The following CCDC18 variants were observed in gnomAD, a reference collection of about 807,000 sequenced individuals.
The protein encoded by CCDC18 is coiled-coil domain-containing protein 18.
CCDC18 carries 157 observed loss-of-function variants against 196.0 expected under a neutral mutation model. The observed-to-expected ratio is 0.80, with a 90% CI of 0.70 to 0.91. The LOEUF is 0.91. Ranked by LOEUF, CCDC18 falls within the 40% of genes least tolerant of loss-of-function variation. The pLI, the probability that CCDC18 is intolerant of heterozygous loss-of-function variation, is 0.00. For synonymous variants in CCDC18, 482 were observed against 529.2 expected (o/e 0.91, Z 1.22); for missense variants, 1,465 against 1,611.6 (o/e 0.91, Z 1.56).
upstream of CCDC18, chr1:93,180,502 G>C: frequency 6.5e-7 from 1 of 1,535,792 alleles, no homozygotes; most frequent in Non-Finnish European, 8.8e-7. Flanking sequence ...AGCGCCGCCC[G>C]CCTCTCCCCC....
chr1:93,262,740 CTCT>C (rs890628165), intron 26 of CCDC18, among the ~76,000 whole-genome samples: 45 of 152,268 alleles, frequency 3.0e-4, no homozygotes, highest in African/African-American at 1.0e-3. Context: ...AATGGTGGCC[CTCT>C]TCTTACAGCT....
chr1:93,184,991 G>T (rs1032633087), intron 3 of CCDC18, among the ~76,000 whole-genome samples: 1 of 151,652 alleles, frequency 6.6e-6, no homozygotes, highest in Non-Finnish European at 1.5e-5. Flanking sequence ...TGATAATGCC[G>T]ATCAAAGACA....
At chr1:93,209,343 G>A (rs1655242171) in intron 9 of CCDC18, among the ~76,000 whole-genome samples, 1 of 152,196 alleles carries the variant, frequency 6.6e-6, no homozygotes, top group Admixed American at 6.5e-5. Context: ...TAAGAAGAAG[G>A]TAAGTAAACC....
At chr1:93,239,585 C>A in intron 20 of CCDC18, 98 bp from the exon 21 acceptor site, 1 of 1,360,458 alleles carries the variant, frequency 7.4e-7, no homozygotes. Context: ...TGGTATTTTG[C>A]CTCTCGTAGA....
rs1658815767 is a variant in CCDC18 at position 93,228,864 on chromosome 1, AAAC to A, written c.2292+2420_2292+2422del. 2.0e-5 allele frequency among the ~76,000 whole-genome samples: 3 copies of A among 152,316 alleles called. No homozygotes were observed. The South Asian group carries it at 6.2e-4, about 32-fold the overall frequency. ...TGAGCTTTAGACTTTGCATTCATAG[AAAC>A]AACATCAGAGACTAGGGTGGATAAC... On this transcript the variant is annotated intron_variant, in intron 17 of 28. Coordinates refer to ENST00000690025, the MANE Select transcript of CCDC18 (RefSeq NM_001378204.1).
At chr1:93,247,335 G>T (rs1009740938) in intron 23 of CCDC18, among the ~76,000 whole-genome samples, 1 of 152,142 alleles carries the variant, frequency 6.6e-6, no homozygotes, top group Non-Finnish European at 1.5e-5. Context: ...TGCTTTTAGT[G>T]TATAGAAATG....
intron 23 of CCDC18, among the ~76,000 whole-genome samples, chr1:93,252,980 C>G (rs908154193): frequency 5.9e-5 from 9 of 152,342 alleles, no homozygotes; most frequent in African/African-American, 1.9e-4. Flanking sequence ...GACCCAGGTC[C>G]AGAAGGCTGT....
chr1:93,195,045 A>G (rs1376728873), intron 6 of CCDC18, among the ~76,000 whole-genome samples: 13 of 152,028 alleles, frequency 8.6e-5, no homozygotes, highest in Admixed American at 8.5e-4. Context: ...TAATTATTGT[A>G]TTTTTAGTAG....
At chr1:93,271,334 A>C in intron 28 of CCDC18, 1 of 984,922 alleles carries the variant, frequency 1.0e-6, no homozygotes, top group Admixed American at 6.1e-5. Flanking sequence ...TTCACCCTAA[A>C]ATATTTATAT....
At chr1:93,217,216 G>A (rs1052170825) in intron 13 of CCDC18, among the ~76,000 whole-genome samples, 1 of 152,144 alleles carries the variant, frequency 6.6e-6, no homozygotes, top group African/African-American at 2.4e-5. Flanking sequence ...TTACAGGCGT[G>A]AGCCACCGCA....
chr1:93,208,056 A>G (rs188074989), intron 9 of CCDC18, among the ~76,000 whole-genome samples: 2 of 152,294 alleles, frequency 1.3e-5, no homozygotes, highest in East Asian at 3.9e-4. Context: ...ACTTTGGGAT[A>G]TTATGAATAA....
At chr1:93,203,870 A>G (rs1423773690) in intron 7 of CCDC18, among the ~76,000 whole-genome samples, 1 of 152,126 alleles carries the variant, frequency 6.6e-6, no homozygotes, top group Non-Finnish European at 1.5e-5. Flanking sequence ...GATGAGGAAC[A>G]AGACAGGGCT....
At chr1:93,260,243 G>C (rs1570614762) in intron 26 of CCDC18, among the ~76,000 whole-genome samples, 1 of 152,172 alleles carries the variant, frequency 6.6e-6, no homozygotes, top group South Asian at 2.1e-4. Context: ...AATTAGCTGG[G>C]TGTGGTGGCG....
chr1:93,180,936 TC>T (rs1649506929), intron 1 of CCDC18, 84 bp downstream of exon 1: 1 of 1,280,898 alleles, frequency 7.8e-7, no homozygotes, highest in Non-Finnish European at 1.0e-6. Context: ...GGAGTTCTGT[TC>T]CTTTCCCTCC....
chr1:93,227,786 T>C (rs1200797065), intron 17 of CCDC18, among the ~76,000 whole-genome samples: 1 of 150,826 alleles, frequency 6.6e-6, no homozygotes, highest in Non-Finnish European at 1.5e-5. Context: ...CAAAACCCCA[T>C]CTCTACAAAA....
Position 93,207,403 on chromosome 1 carries a change from G to A in CCDC18, c.1209+5G>A, listed in dbSNP as rs1654877821. The A allele has an allele frequency of 1.3e-6, 2 of 1,556,460 alleles. No homozygotes were observed. Among genetic ancestry groups the A allele is most frequent in the East Asian group, 4.6e-5 (2 of 43,716 alleles). On this transcript the variant is annotated splice_donor_5th_base_variant and intron_variant, in intron 9 of 28. Transcript: ENST00000690025. ...AAGATTATATCCCAGTTGCCAGTAA[G>A]TATGTGTGATTACGTAATGGAAAAG...
intron 26 of CCDC18, among the ~76,000 whole-genome samples, chr1:93,261,877 G>A (rs1433904859): frequency 6.6e-6 from 1 of 152,022 alleles, no homozygotes; most frequent in Non-Finnish European, 1.5e-5. Flanking sequence ...CTGCTATAAA[G>A]AAATACCTGA....
chr1:93,235,686 G>C (rs1659982402), intron 18 of CCDC18, among the ~76,000 whole-genome samples: 1 of 152,058 alleles, frequency 6.6e-6, no homozygotes, highest in South Asian at 2.1e-4. Flanking sequence ...ACAGTAGAGA[G>C]ACTGAAGATA....
chr1:93,210,855 T>C lies in CCDC18; in HGVS notation c.1263T>C (p.Ser421=), dbSNP rs765659916. 1.2e-5 allele frequency: 19 copies of C among 1,611,768 alleles called. No homozygotes were observed. Among genetic ancestry groups the C allele is most frequent in the Non-Finnish European group, 1.4e-5 (17 of 1,178,036 alleles). Residue 421 remains serine, a synonymous_variant, in exon 10 of 29, where the codon AGT becomes AGC. Transcript: ENST00000690025. ...FKSYLSKYQM[S]SFSNKEDRCI... ...CATATCTTTCTAAATACCAGATGAGTAGCTTCTCAAACAAGGAAGACCGTT... is the reference window on the plus strand; with the variant it reads ...CATATCTTTCTAAATACCAGATGAGCAGCTTCTCAAACAAGGAAGACCGTT...
Sources: gnomAD v4.1 joint callset for allele counts (sites outside exome capture counted in the v4.1 genomes callset) on GRCh38, gnomAD v4.1.1 for gene constraint, MANE v1.5 for transcripts, NCBI Gene and HGNC (gene_info 2026-07-23, HGNC 2026-07-21) for gene names.